Variants in TRPM5 observed in about 807,000 individuals in gnomAD.
The protein encoded by TRPM5 is MLSN1 and TRP-related.
In TRPM5, 121 loss-of-function variants were observed where a neutral mutation model predicts 124.9. The observed-to-expected ratio is 0.97, with a 90% CI of 0.84 to 1.13. The LOEUF (loss-of-function observed/expected upper bound fraction) is 1.13. Among genes scored for constraint, TRPM5 ranks in the 50% most tolerant of loss-of-function variants. The probability of loss-of-function intolerance (pLI) is 0.00; values close to 1 mark genes in which losing one functional copy is unlikely to be tolerated. For missense variants in TRPM5, 1,643 were observed against 1,589.1 expected, an observed-to-expected ratio of 1.03 and a Z score of -0.58; for synonymous variants, 781 against 700.5, an observed-to-expected ratio of 1.11 and a Z score of -1.81.
the TRPM5 span, among the ~76,000 whole-genome samples, chr11:2,428,316 G>A: frequency 1.3e-5 from 2 of 152,182 alleles, no homozygotes; most frequent in Admixed American, 6.5e-5. This position sits in a 1 kb window ranked among gnomAD's most constrained non-coding sequence, Gnocchi z 4.0. Flanking sequence ...CAGGAATGGT[G>A]GGGGACAGTA....
chr11:2,430,598 G>A, the TRPM5 span, among the ~76,000 whole-genome samples: 739 of 152,128 alleles, frequency 4.9e-3, 8 homozygotes, highest in African/African-American at 0.017. Flanking sequence ...TGATGGTGGT[G>A]GTGGTTTTGG....
chr11:2,411,570 G>A (rs542772662), intron 17 of TRPM5, 44 bp from the exon 23 acceptor site: 15 of 1,608,218 alleles, frequency 9.3e-6, no homozygotes, highest in East Asian at 8.9e-5. Context: ...GCGGCCAGCC[G>A]GGTGGGGCCC....
upstream of TRPM5, among the ~76,000 whole-genome samples, chr11:2,426,993 C>T (rs1366394668): frequency 6.6e-6 from 1 of 152,244 alleles, no homozygotes; most frequent in Non-Finnish European, 1.5e-5. Context: ...CCTGCCTTTG[C>T]AGGCTGCTGG....
Position 2,410,757 on chromosome 11 carries a change from T to C in TRPM5, c.2782+595A>G, listed in dbSNP as rs1001089706. 6.8e-5 allele frequency: 30 copies of C among 442,834 alleles called. No individual in the cohort carries two copies. In the Admixed American group the frequency reaches 7.4e-4, roughly 11 times the overall value. The allele number at this position is 442,834 out of a possible 1,614,324, so 27.4% of individuals were successfully genotyped here. On this transcript the variant is annotated intron_variant, in intron 18 of 23. Transcript: ENST00000155858. ...GTCGGCCTGGGGACACCCATAGGCA[T>C]GGGCAGGCCACACACACACATTGGG...
chr11:2,409,316 C>T (rs559458776), intron 18 of TRPM5, among the ~76,000 whole-genome samples: 7 of 152,210 alleles, frequency 4.6e-5, no homozygotes, highest in East Asian at 3.9e-4. Context: ...AGGAGCGGGC[C>T]GGGGCCAGCC....
intron 11 of TRPM5, 37 bp from the exon 17 acceptor site, chr11:2,414,243 C>A (rs373446414): frequency 1.3e-6 from 2 of 1,587,692 alleles, no homozygotes; most frequent in South Asian, 2.3e-5. Context: ...GACGAGACGC[C>A]GATGCCCGGC....
At chr11:2,405,310 T>A (rs983129943) in intron 23 of TRPM5, among the ~76,000 whole-genome samples, 5 of 152,184 alleles carry the variant, frequency 3.3e-5, no homozygotes, top group African/African-American at 1.2e-4. Flanking sequence ...AGGCAGAGCC[T>A]CAAGAGTCTG....
intron 18 of TRPM5, among the ~76,000 whole-genome samples, chr11:2,409,873 G>T (rs771851872): frequency 1.3e-5 from 2 of 152,212 alleles, no homozygotes; most frequent in Non-Finnish European, 2.9e-5. Flanking sequence ...CGGAGCAGGG[G>T]CCCCTCGGGA....
At chr11:2,437,241 C>T in the TRPM5 span, among the ~76,000 whole-genome samples, 1 of 152,332 alleles carries the variant, frequency 6.6e-6, no homozygotes, top group Non-Finnish European at 1.5e-5. The surrounding 1 kb of genome is among the most constrained non-coding windows in gnomAD (Gnocchi z 5.6). Context: ...CTGGCTGGTT[C>T]CCAGCTTGTC....
chr11:2,404,279 C>G (rs548523765), downstream of TRPM5, among the ~76,000 whole-genome samples: 5 of 152,312 alleles, frequency 3.3e-5, no homozygotes, highest in South Asian at 1.0e-3. Context: ...CCAGTTTTAT[C>G]TGGGCCACGT....
rs201433935 is a variant in TRPM5, at chr11:2,415,497, A to G, written c.1129-26T>C. ...CTTGGCGGCCATGGGCACCCGAGGG[A>G]AGGGGGACAAGAGAGTGAGCGAGAG... On this transcript the variant is annotated intron_variant, in intron 8 of 23. Transcript: ENST00000155858. 5.5e-4 allele frequency: 808 copies of G among 1,473,736 alleles called. 5 individuals are homozygous for G. The African/African-American group carries it at 0.01, about 19-fold the overall frequency. 91.3% of individuals were successfully genotyped at this position (1,473,736 alleles called of 1,614,324 possible).
chr11:2,414,338 A>G, intron 11 of TRPM5, 132 bp from the exon 17 acceptor site: 1 of 1,326,920 alleles, frequency 7.5e-7, no homozygotes, highest in South Asian at 1.5e-5. Context: ...GGGCCCAGCC[A>G]GGCCTTCTGC....
the TRPM5 span, among the ~76,000 whole-genome samples, chr11:2,440,258 C>T: frequency 2.6e-5 from 4 of 152,148 alleles, no homozygotes; most frequent in African/African-American, 9.6e-5. This position sits in a 1 kb window ranked among gnomAD's most constrained non-coding sequence, Gnocchi z 5.2. Context: ...TCATCCATAC[C>T]CCAAACCTCA....
chr11:2,406,874 G>C (rs1850333549), intron 20 of TRPM5, 81 bp from the exon 26 acceptor site: 1 of 1,532,504 alleles, frequency 6.5e-7, no homozygotes. Context: ...CCGGGGCGAG[G>C]TGGGCCAGGC....
At chr11:2,421,063 A>T in exon 3 of TRPM5, 1 of 1,548,576 alleles carries the variant, frequency 6.5e-7, no homozygotes, top group Non-Finnish European at 8.7e-7. Flanking sequence ...GCGGTGCAGG[A>T]CGCGGCCCAG....
At chr11:2,409,117 G>A (rs1850389022) in intron 18 of TRPM5, among the ~76,000 whole-genome samples, 2 of 152,156 alleles carry the variant, frequency 1.3e-5, no homozygotes, top group Non-Finnish European at 1.5e-5. Flanking sequence ...TCTCCCGAGT[G>A]AGTTAGTGTG....
In TRPM5 at chr11:2,405,160, C is replaced by T; in HGVS notation, c.3392-117G>A. The T allele has an allele frequency of 7.5e-6, 6 of 799,186 alleles. No homozygotes were observed. The South Asian group carries it at 8.4e-5, about 11-fold the overall frequency. 49.5% of individuals were successfully genotyped at this position (799,186 alleles called of 1,614,324 possible). A position where few individuals can be genotyped will look rare whatever the true frequency, so the allele number is the denominator to read the frequency against. On this transcript the variant is annotated intron_variant, in intron 23 of 23. Transcript: ENST00000155858. Reference sequence around the variant, plus strand: ...ACGCCGTGGCTCTCAGAGTGAGTCCCCACAGGCCAGCCTGGGGAAGATGGG... The same window carrying T: ...ACGCCGTGGCTCTCAGAGTGAGTCCTCACAGGCCAGCCTGGGGAAGATGGG...
chr11:2,443,301 G>C, the TRPM5 span, among the ~76,000 whole-genome samples: 1 of 152,174 alleles, frequency 6.6e-6, no homozygotes, highest in South Asian at 2.1e-4. This position sits in a 1 kb window ranked among gnomAD's most constrained non-coding sequence, Gnocchi z 5.0. Flanking sequence ...CCTTCCTCCT[G>C]CTGAGGTGGG....
exon 6 of TRPM5, chr11:2,418,256 G>T: frequency 1.3e-6 from 2 of 1,585,004 alleles, no homozygotes; most frequent in East Asian, 2.3e-5. Flanking sequence ...TTGGGCACCA[G>T]GAGGTGGGGC....
Sources: allele counts gnomAD v4.1 joint callset (sites outside exome capture counted in the v4.1 genomes callset), GRCh38; gene constraint gnomAD v4.1.1; non-coding constraint Gnocchi (gnomAD v3.1); transcripts MANE v1.5; gene names NCBI Gene and HGNC (gene_info 2026-07-23, HGNC 2026-07-21).